Variants in ERVW-1 observed in about 807,000 individuals in gnomAD.
The protein encoded by ERVW-1 is endogenous retrovirus group W member 1, envelope.
Under a neutral mutation model 16.6 loss-of-function variants are expected in ERVW-1, and 21 were observed. The observed-to-expected ratio is 1.26, with a 90% CI of 0.90 to 1.82. The LOEUF is 1.82. Ranked by LOEUF, ERVW-1 falls within the 40% of genes most tolerant of loss-of-function variation. The pLI is 0.00. For synonymous variants in ERVW-1, 161 were observed against 109.8 expected (o/e 1.47, Z -2.92); for missense variants, 412 against 300.2 (o/e 1.37, Z -2.75).
At chr7:92,474,661 A>T (rs529516163) in intron 1 of ERVW-1, 13 of 152,340 alleles carry the variant, frequency 8.5e-5, no homozygotes, top group East Asian at 3.9e-4. Flanking sequence ...GGCTGCAGTT[A>T]TGGTGGCACT....
intron 1 of ERVW-1, among the ~76,000 whole-genome samples, chr7:92,473,451 A>C (rs1001182771): frequency 6.6e-6 from 1 of 151,866 alleles, no homozygotes; most frequent in Non-Finnish European, 1.5e-5. Context: ...TTTAACTTGA[A>C]CAGGACGGGC....
In ERVW-1 at chr7:92,470,478, T is replaced by G. The variant is rs1420763149; in HGVS notation, c.-97A>C. The G allele has an allele frequency of 1.7e-6, 1 of 601,718 alleles. No individual in the cohort carries two copies. Among genetic ancestry groups the G allele is most frequent in the Admixed American group, 3.1e-5 (1 of 31,940 alleles). 37.3% of individuals were successfully genotyped at this position (601,718 alleles called of 1,614,324 possible). On this transcript the variant is annotated 5_prime_UTR_variant, in exon 2 of 2. Coordinates refer to ENST00000603053, the MANE Select transcript of ERVW-1 (RefSeq NM_001130925.2). ...CACAGGAATAGCTAGCGTTGTCTCC[T>G]GGATTTTCAGGTTCCTTTGGCAGTA... is the stretch of plus-strand genomic sequence containing the variant.
At chr7:92,475,626 G>A (rs902377135) in intron 1 of ERVW-1, among the ~76,000 whole-genome samples, 3 of 151,336 alleles carry the variant, frequency 2.0e-5, no homozygotes, top group East Asian at 3.9e-4. Context: ...TATCGGATTA[G>A]TTATGCTTAC....
rs1790175130 is a variant in ERVW-1, at chr7:92,468,526, T to C, written c.*239A>G. 5.4e-6 allele frequency: 2 copies of C among 373,178 alleles called. No individual in the cohort carries two copies. The highest frequency in any genetic ancestry group is 5.0e-5 in the East Asian group (1 of 20,058). The allele number at this position is 373,178 out of a possible 1,614,324, so 23.1% of individuals were successfully genotyped here. ...TCCCTCCTGCTGTGCTCTCAGGCAA[T>C]AGATGATTGGCTATTTCTTTACCTC... On this transcript the variant is annotated 3_prime_UTR_variant, in exon 2 of 2. Coordinates refer to ENST00000603053, the MANE Select transcript of ERVW-1 (RefSeq NM_001130925.2).
At chr7:92,471,547 C>T (rs1442602056) in intron 1 of ERVW-1, 1 of 152,244 alleles carries the variant, frequency 6.6e-6, no homozygotes, top group East Asian at 1.9e-4. Context: ...CATTCTGTTT[C>T]TCCTGCTGAG....
chr7:92,473,461 C>A (rs1421210617), intron 1 of ERVW-1, among the ~76,000 whole-genome samples: 1 of 151,972 alleles, frequency 6.6e-6, no homozygotes, highest in Non-Finnish European at 1.5e-5. Context: ...ACAGGACGGG[C>A]ATTCTTTGCT....
In ERVW-1 at chr7:92,469,494, A is replaced by T; in HGVS notation, c.888T>A (p.Pro296=). 1.3e-6 allele frequency: 1 copy of T among 768,954 alleles called. No homozygotes were observed. The highest frequency in any genetic ancestry group is 2.4e-6 in the Non-Finnish European group (1 of 415,206). The allele number at this position is 768,954 out of a possible 1,614,324, so 47.6% of individuals were successfully genotyped here. ...AATCTTGTTCAGTGTAGATGGTCAT[A>T]GGGGGCACTAAGAATGAGAGGAAGC... The part of the protein sequence containing the change: ...SMCFLSFLVP[P]MTIYTEQDLY... The change falls in exon 2 of 2, where the codon CCT becomes CCA. Residue 296 remains proline (P), a synonymous_variant. Coordinates refer to ENST00000603053, the MANE Select transcript of ERVW-1 (RefSeq NM_001130925.2).
At position 92,468,847 on chromosome 7, in the gene ERVW-1, A is replaced by G; in HGVS notation, c.1535T>C (p.Val512Ala). Residue 512 changes from valine to alanine, a missense_variant, in exon 2 of 2, where the codon GTT becomes GCT. Coordinates refer to ENST00000603053, the MANE Select transcript of ERVW-1 (RefSeq NM_001130925.2). Reference sequence around the variant, plus strand: ...AGGAGGGGTGCCTTTGATGTCATTAACATCAGATCGTGGGCTAGCAGGCCG... The same window carrying G: ...AGGAGGGGTGCCTTTGATGTCATTAGCATCAGATCGTGGGCTAGCAGGCCG... Reference protein sequence around the residue: ...LDRPASPRSDVNDIKGTPPEE... With the variant: ...LDRPASPRSDANDIKGTPPEE... 1.3e-6 allele frequency: 1 copy of G among 764,474 alleles called. No homozygotes were observed. The allele number at this position is 764,474 out of a possible 1,614,324, so 47.4% of individuals were successfully genotyped here.
chr7:92,469,004 A>G lies in ERVW-1; in HGVS notation c.1378T>C (p.Leu460=), dbSNP rs375786755. The G allele has an allele frequency of 2.3e-4, 172 of 749,256 alleles. 3 individuals carry two copies. In the African/African-American group the frequency reaches 2.6e-3, roughly 11 times the overall value. The allele number at this position is 749,256 out of a possible 1,614,324, so 46.4% of individuals were successfully genotyped here. Residue 460 remains leucine (L), a synonymous_variant, in exon 2 of 2, where the codon TTG becomes CTG. Transcript: ENST00000603053. The part of the protein sequence containing the change: ...PFLGPLAAII[L]LLLFGPCIFN... The stretch of plus-strand genomic sequence containing the variant: ...ATACAGGGTCCAAAGAGGAGTAGCA[A>G]TATTATAGCTGCTAGAGGTCCTAAG...
At position 92,469,990 on chromosome 7, in the gene ERVW-1, T is replaced by A. The variant is rs762284174; in HGVS notation, c.392A>T (p.Glu131Val). Residue 131 changes from glutamate to valine, a missense_variant, in exon 2 of 2, where the codon GAA (glutamate) becomes GTA (valine). Glu to Val is a moderately radical substitution (Grantham distance 121). Coordinates refer to ENST00000603053, the MANE Select transcript of ERVW-1 (RefSeq NM_001130925.2). ...QDQAREKHVK[E>V]VISQLTRVHG... is the part of the protein sequence containing the mutation. ...TACCCGGGTGAGTTGGGAGATTACT[T>A]CTTTTACATGTTTTTCTCTTGCCTG... is the stretch of plus-strand genomic sequence containing the variant. 11 of 777,658 alleles carry A rather than the reference T, an allele frequency of 1.4e-5. No homozygotes were observed. Among genetic ancestry groups the A allele is most frequent in the Admixed American group, 8.5e-5 (5 of 58,794 alleles). The allele number at this position is 777,658 out of a possible 1,614,324, so 48.2% of individuals were successfully genotyped here.
In ERVW-1 at chr7:92,468,795, T is replaced by C. The variant is rs1426458710; in HGVS notation, c.1587A>G (p.Leu529=). 1.3e-6 allele frequency: 1 copy of C among 758,950 alleles called. No homozygotes were observed. Among genetic ancestry groups the C allele is most frequent in the East Asian group, 2.4e-5 (1 of 41,188 alleles). 47.0% of individuals were successfully genotyped at this position (758,950 alleles called of 1,614,324 possible). A position where few individuals can be genotyped will look rare whatever the true frequency, so the allele number is the denominator to read the frequency against. The change falls in exon 2 of 2, where the codon CTA becomes CTG. Residue 529 remains leucine, a synonymous_variant. Transcript: ENST00000603053. The part of the protein sequence containing the change: ...PPEEISAAQP[L]LRPNSAGSS ...TGCTTCCTGCTGAATTGGGGCGTAG[T>C]AGAGGTTGTGCAGCTGAGATTTCCT...
chr7:92,469,175 C>A lies in ERVW-1; in HGVS notation c.1207G>T (p.Glu403Ter). ...RGGTCLFLGE[E>*]CCYYVNQSGI... ...GATTGATTAACATAATAACAGCATT[C>A]TTCCCCTAAAAATAAACAGGTTCCC... The change falls in exon 2 of 2, where the codon GAA becomes TAA. Residue 403 changes from glutamate to a stop codon, truncating the protein, a stop_gained. Coordinates refer to ENST00000603053, the MANE Select transcript of ERVW-1 (RefSeq NM_001130925.2). LOFTEE classifies it high-confidence loss of function. The A allele has an allele frequency of 1.4e-6, 1 of 715,184 alleles. No individual in the cohort carries two copies. The highest frequency in any genetic ancestry group is 1.4e-5 in the South Asian group (1 of 70,016). The allele number at this position is 715,184 out of a possible 1,614,324, so 44.3% of individuals were successfully genotyped here.
In ERVW-1 at chr7:92,468,716, C is replaced by T. The variant is rs752898196; in HGVS notation, c.*49G>A. Reference sequence around the variant, plus strand: ...CTAGTCCTGTCTCTCAGTCCCCCATCTCAACAGGAAAACCTAAGTGCTGTT... The same window carrying T: ...CTAGTCCTGTCTCTCAGTCCCCCATTTCAACAGGAAAACCTAAGTGCTGTT... On this transcript the variant is annotated 3_prime_UTR_variant, in exon 2 of 2. Coordinates refer to ENST00000603053, the MANE Select transcript of ERVW-1 (RefSeq NM_001130925.2). The T allele has an allele frequency of 2.1e-5, 14 of 672,674 alleles. No individual in the cohort carries two copies. Among genetic ancestry groups the T allele is most frequent in the Non-Finnish European group, 3.7e-5 (14 of 374,954 alleles). 41.7% of individuals were successfully genotyped at this position (672,674 alleles called of 1,614,324 possible). A position where few individuals can be genotyped will look rare whatever the true frequency, so the allele number is the denominator to read the frequency against.
At position 92,469,798 on chromosome 7, in the gene ERVW-1, C is replaced by A. The variant is rs1055859165; in HGVS notation, c.584G>T (p.Arg195Met). 2.6e-6 allele frequency: 2 copies of A among 766,204 alleles called. No homozygotes were observed. The highest frequency in any genetic ancestry group is 1.7e-5 in the Admixed American group (1 of 58,968). 47.5% of individuals were successfully genotyped at this position (766,204 alleles called of 1,614,324 possible). Residue 195 changes from arginine (R) to methionine (M), a missense_variant, in exon 2 of 2, where the codon AGG (arginine) becomes ATG (methionine). Arg to Met is a moderately conservative substitution (Grantham distance 91, BLOSUM62 -1). Transcript: ENST00000603053. ...AGGTACAGGGATTGAAACATATGGC[C>A]TGAAGTTCAGGGGGAGGCATATCCA... ...NCWICLPLNF[R>M]PYVSIPVPEQ...
intron 1 of ERVW-1, among the ~76,000 whole-genome samples, chr7:92,475,611 C>T (rs1005384971): frequency 1.3e-5 from 2 of 150,876 alleles, no homozygotes; most frequent in Non-Finnish European, 2.9e-5. Context: ...CCATGGACCT[C>T]TGTTTATCGG....
intron 1 of ERVW-1, 174 bp from the exon 2 acceptor site, chr7:92,470,782 G>C (rs1449984168): frequency 5.7e-6 from 1 of 174,112 alleles, no homozygotes; most frequent in East Asian, 1.9e-4. Flanking sequence ...TCAAGCACAA[G>C]GTCATTGGTT....
Position 92,470,295 on chromosome 7 carries a change from G to A in ERVW-1, c.87C>T (p.Thr29=). 1.3e-6 allele frequency: 1 copy of A among 778,204 alleles called. No individual in the cohort carries two copies. Among genetic ancestry groups the A allele is most frequent in the East Asian group, 2.4e-5 (1 of 41,242 alleles). 48.2% of individuals were successfully genotyped at this position (778,204 alleles called of 1,614,324 possible). ...GAAACTCTTGGTAAGGGGAGCTACT[G>A]GTCATACAGCGGCATGGAGGGGGTG... ...LTAPPPCRCM[T]SSSPYQEFLW... Residue 29 remains threonine (T), a synonymous_variant, in exon 2 of 2, where the codon ACC becomes ACT. Coordinates refer to ENST00000603053, the MANE Select transcript of ERVW-1 (RefSeq NM_001130925.2).
Position 92,469,653 on chromosome 7 carries a change from A to G in ERVW-1, c.729T>C (p.Thr243=). ...TGCATTGGGAGTTGGTTGTGTATGT[A>G]GTATTGCTAAATTTTACACAGGTGA... ...SNLTCVKFSN[T]TYTTNSQCIR... The change falls in exon 2 of 2, where the codon ACT becomes ACC. Residue 243 remains threonine, a synonymous_variant. Transcript: ENST00000603053. 1 of 764,500 alleles carries G rather than the reference A, an allele frequency of 1.3e-6. No individual in the cohort carries two copies. The highest frequency in any genetic ancestry group is 1.3e-5 in the South Asian group (1 of 74,534). The allele number at this position is 764,500 out of a possible 1,614,324, so 47.4% of individuals were successfully genotyped here. A position where few individuals can be genotyped will look rare whatever the true frequency, so the allele number is the denominator to read the frequency against.
intron 1 of ERVW-1, chr7:92,471,108 A>G (rs954787519): frequency 1.2e-5 from 2 of 166,516 alleles, no homozygotes. Context: ...TATTTCATGA[A>G]CTAGTGCCTT....
Sources: gnomAD v4.1 joint callset for allele counts (sites outside exome capture counted in the v4.1 genomes callset) on GRCh38, gnomAD v4.1.1 for gene constraint, MANE v1.5 for transcripts, NCBI Gene and HGNC (gene_info 2026-07-23, HGNC 2026-07-21) for gene names.